Variants in CYP7A1 observed in about 807,000 individuals in gnomAD.
CYP7A1 encodes cytochrome P450 family 7 subfamily A member 1.
CYP7A1 carries 28 observed loss-of-function variants against 43.8 expected under a neutral mutation model. That is an observed-to-expected ratio of 0.64 (90% confidence interval 0.47 to 0.88). The LOEUF (loss-of-function observed/expected upper bound fraction) is 0.88, where lower values mean the gene tolerates loss of function less well. Ranked by LOEUF, CYP7A1 falls within the 40% of genes least tolerant of loss-of-function variation. CYP7A1 has a pLI of 0.00. For synonymous variants in CYP7A1, 227 were observed against 222.5 expected, an observed-to-expected ratio of 1.02 and a Z score of -0.18; for missense variants, 637 against 611.9, an observed-to-expected ratio of 1.04 and a Z score of -0.43.
At chr8:58,494,735 A>C (rs1191799556) in intron 3 of CYP7A1, 99 bp from the exon 4 acceptor site, 1 of 1,080,004 alleles carries the variant, frequency 9.3e-7, no homozygotes, top group African/African-American at 1.6e-5. Flanking sequence ...TCTTTTAACT[A>C]GATGGTGAAG....
chr8:58,493,799 A>T (rs1809395440), intron 4 of CYP7A1, among the ~76,000 whole-genome samples: 1 of 152,182 alleles, frequency 6.6e-6, no homozygotes, highest in Non-Finnish European at 1.5e-5. Flanking sequence ...CAGGAGTTCG[A>T]GACCAGTCTG....
Position 58,496,798 on chromosome 8 carries a change from C to A in CYP7A1, c.714G>T (p.Leu238=). The A allele has an allele frequency of 6.2e-7, 1 of 1,614,222 alleles. No individual in the cohort carries two copies. Among genetic ancestry groups the A allele is most frequent in the Non-Finnish European group, 8.5e-7 (1 of 1,180,050 alleles). The stretch of plus-strand genomic sequence containing the variant: ...GGTTCTCGTGCCTCAAGCTCTCTGC[C>A]AGTTTCTCCCGGGCATTGTGCGCAG... ...FRTAHNAREK[L]AESLRHENLQ... The change falls in exon 3 of 6, where the codon CTG becomes CTT. Residue 238 remains leucine (L), a synonymous_variant. Coordinates refer to ENST00000301645, the MANE Select transcript of CYP7A1 (RefSeq NM_000780.4).
chr8:58,496,851 C>A lies in CYP7A1; in HGVS notation c.661G>T (p.Ala221Ser). 6.2e-7 allele frequency: 1 copy of A among 1,614,212 alleles called. No individual in the cohort carries two copies. The highest frequency in any genetic ancestry group is 8.5e-7 in the Non-Finnish European group (1 of 1,180,046). Residue 221 changes from alanine (A) to serine (S), a missense_variant, in exon 3 of 6, where the codon GCA becomes TCA. Transcript: ENST00000301645. ...QFDKVFPALV[A>S]GLPIHMFRTA... Reference sequence around the variant, plus strand: ...CTGAACATGTGAATGGGGAGGCCTGCTACCAGGGCTGGAAAGACTTTGTCG... The same window carrying A: ...CTGAACATGTGAATGGGGAGGCCTGATACCAGGGCTGGAAAGACTTTGTCG...
intron 2 of CYP7A1, 52 bp downstream of exon 2, chr8:58,498,177 C>T (rs1809477440): frequency 1.2e-6 from 2 of 1,604,044 alleles, no homozygotes; most frequent in East Asian, 2.2e-5. Context: ...TAGACAAGCA[C>T]ATAAAAAGGT....
chr8:58,499,078 T>C (rs1809492442), intron 1 of CYP7A1, among the ~76,000 whole-genome samples: 1 of 152,230 alleles, frequency 6.6e-6, no homozygotes, highest in South Asian at 2.1e-4. Context: ...TCTATTGTAA[T>C]TCAGTGCTCC....
At chr8:58,499,769 A>G (rs1015394858) in intron 1 of CYP7A1, among the ~76,000 whole-genome samples, 5 of 152,188 alleles carry the variant, frequency 3.3e-5, no homozygotes, top group Admixed American at 3.3e-4. Flanking sequence ...AGTTATGTTT[A>G]ACACCAATAT....
chr8:58,497,011 C>T lies in CYP7A1; in HGVS notation c.501G>A (p.Val167=). ...AGCAGAAAGAATACATCCCTTCTGT[C>T]ACCCAGGCAGCGGTCTTTGAGTTAG... is the stretch of plus-strand genomic sequence containing the variant. ...VSSNSKTAAW[V]TEGMYSFCYR... The change falls in exon 3 of 6, where the codon GTG becomes GTA. Residue 167 remains valine (V), a synonymous_variant. Coordinates refer to ENST00000301645, the MANE Select transcript of CYP7A1 (RefSeq NM_000780.4). The T allele has an allele frequency of 6.2e-7, 1 of 1,612,946 alleles. No homozygotes were observed. Among genetic ancestry groups the T allele is most frequent in the Non-Finnish European group, 8.5e-7 (1 of 1,180,030 alleles).
chr8:58,498,185 G>A (rs756127511), intron 2 of CYP7A1, 44 bp downstream of exon 2: 1 of 1,608,444 alleles, frequency 6.2e-7, no homozygotes, highest in Non-Finnish European at 8.5e-7. Flanking sequence ...CACATAAAAA[G>A]GTAGAAGACA....
chr8:58,498,234 C>T lies in CYP7A1; in HGVS notation c.316G>A (p.Ala106Thr). The T allele has an allele frequency of 6.2e-7, 1 of 1,614,054 alleles. No homozygotes were observed. Among genetic ancestry groups the T allele is most frequent in the Non-Finnish European group, 8.5e-7 (1 of 1,179,980 alleles). ...ATAAATGTAAAACTGCTTACCTTCG[C>T]AGAAGTAGCAAAGTGAAATTTTTTC... ...DWKKFHFATSAKAFGHRSIDP... is the reference protein window; with the variant it reads ...DWKKFHFATSTKAFGHRSIDP... Residue 106 changes from alanine (A) to threonine (T), a missense_variant, in exon 2 of 6, where the codon GCG (alanine) becomes ACG (threonine). Coordinates refer to ENST00000301645, the MANE Select transcript of CYP7A1 (RefSeq NM_000780.4).
rs756610472 is a variant in CYP7A1, at chr8:58,500,045, T to C, written c.54A>G (p.Leu18=). The change falls in exon 1 of 6, where the codon CTA becomes CTG. Residue 18 remains leucine (L), a synonymous_variant. Transcript: ENST00000301645. ...TTCTCCTAATTCCAAGAATAAGCCA[T>C]AGACAACAGCATGCTGCTATAGCAA... The part of the protein sequence containing the change: ...WGIAIAACCC[L]WLILGIRRRQ... The C allele has an allele frequency of 5.6e-6, 9 of 1,612,782 alleles. No homozygotes were observed. The Admixed American group carries it at 8.3e-5, about 15-fold the overall frequency.
In CYP7A1 at chr8:58,496,944, T is replaced by C. The variant is rs749290143; in HGVS notation, c.568A>G (p.Arg190Gly). Residue 190 changes from arginine (R) to glycine (G), a missense_variant, in exon 3 of 6, where the codon AGA becomes GGA. By Grantham distance (125) the Arg-to-Gly change is moderately radical. Coordinates refer to ENST00000301645, the MANE Select transcript of CYP7A1 (RefSeq NM_000780.4). ...FEAGYLTIFGRDLTRRDTQKA... is the reference protein window; with the variant it reads ...FEAGYLTIFGGDLTRRDTQKA... ...TGTGTGTCCCGCCTTGTAAGATCTC[T>C]GCCAAAGATAGTTAAATACCCAGCT... The C allele has an allele frequency of 2.0e-5, 32 of 1,614,080 alleles. No homozygotes were observed. The highest frequency in any genetic ancestry group is 2.4e-5 in the Non-Finnish European group (28 of 1,180,040).
chr8:58,491,629 A>C lies in CYP7A1; in HGVS notation c.1361T>G (p.Ile454Ser), dbSNP rs1468435777. The C allele has an allele frequency of 6.2e-7, 1 of 1,614,214 alleles. No homozygotes were observed. The highest frequency in any genetic ancestry group is 1.1e-5 in the South Asian group (1 of 91,086). ...CPGRLFAIHE[I>S]KQFLILMLSY... is the part of the protein sequence containing the mutation. Reference sequence around the variant, plus strand: ...AAGCATCAGAATCAAAAATTGCTTGATTTCGTGGATAGCGAACAATCTTCC... The same window carrying C: ...AAGCATCAGAATCAAAAATTGCTTGCTTTCGTGGATAGCGAACAATCTTCC... Residue 454 changes from isoleucine (I) to serine (S), a missense_variant, in exon 6 of 6, where the codon ATC becomes AGC. Transcript: ENST00000301645.
At chr8:58,499,311 T>C (rs995882758) in intron 1 of CYP7A1, among the ~76,000 whole-genome samples, 2 of 152,224 alleles carry the variant, frequency 1.3e-5, no homozygotes, top group African/African-American at 4.8e-5. Context: ...TTTTCTCTTT[T>C]TGAGATTGAC....
intron 1 of CYP7A1, 147 bp from the exon 2 acceptor site, chr8:58,498,616 T>G (rs1383309675): frequency 1.1e-5 from 9 of 791,918 alleles, no homozygotes; most frequent in Non-Finnish European, 1.9e-5. Flanking sequence ...CCCTGCTCTT[T>G]TACTACAGTA....
Position 58,496,824 on chromosome 8 carries a change from T to A in CYP7A1, c.688A>T (p.Thr230Ser). 6.2e-7 allele frequency: 1 copy of A among 1,614,194 alleles called. No individual in the cohort carries two copies. Among genetic ancestry groups the A allele is most frequent in the Non-Finnish European group, 8.5e-7 (1 of 1,180,028 alleles). The change falls in exon 3 of 6, where the codon ACT becomes TCT. Residue 230 changes from threonine (T) to serine (S), a missense_variant. Thr to Ser is a moderately conservative substitution (Grantham distance 58, BLOSUM62 1). Coordinates refer to ENST00000301645, the MANE Select transcript of CYP7A1 (RefSeq NM_000780.4). ...VAGLPIHMFR[T>S]AHNAREKLAE... ...AGTTTCTCCCGGGCATTGTGCGCAG[T>A]CCTGAACATGTGAATGGGGAGGCCT...
In CYP7A1 at chr8:58,491,320, A is replaced by T; in HGVS notation, c.*155T>A. The stretch of plus-strand genomic sequence containing the variant: ...GATAGCATCTGGAAACTGTCACCAA[A>T]ATGTTAAGATTCACAAGCAAGCACT... On this transcript the variant is annotated 3_prime_UTR_variant, in exon 6 of 6. Transcript: ENST00000301645. The T allele has an allele frequency of 1.4e-6, 1 of 716,332 alleles. No homozygotes were observed. The highest frequency in any genetic ancestry group is 2.3e-6 in the Non-Finnish European group (1 of 426,116). 44.4% of individuals were successfully genotyped at this position (716,332 alleles called of 1,614,324 possible).
intron 3 of CYP7A1, among the ~76,000 whole-genome samples, chr8:58,495,374 C>T (rs896436697): frequency 5.9e-5 from 9 of 151,812 alleles, no homozygotes; most frequent in South Asian, 2.1e-4. Context: ...TACAGGCGCC[C>T]GCCACCACGC....
chr8:58,491,338 C>T lies in CYP7A1; in HGVS notation c.*137G>A, dbSNP rs1335635372. The T allele has an allele frequency of 2.5e-6, 2 of 809,882 alleles. No individual in the cohort carries two copies. The highest frequency in any genetic ancestry group is 4.0e-6 in the Non-Finnish European group (2 of 498,490). 50.2% of individuals were successfully genotyped at this position (809,882 alleles called of 1,614,324 possible). On this transcript the variant is annotated 3_prime_UTR_variant, in exon 6 of 6. Transcript: ENST00000301645. ...TCACCAAAATGTTAAGATTCACAAG[C>T]AAGCACTGGTGAACAACATTGGACC...
Position 58,498,291 on chromosome 8 carries a change from T to C in CYP7A1, c.259A>G (p.Lys87Glu), listed in dbSNP as rs1267555538. 3.1e-6 allele frequency: 5 copies of C among 1,614,028 alleles called. No homozygotes were observed. The highest frequency in any genetic ancestry group is 3.3e-5 in the Admixed American group (2 of 60,002). ...AAATATTTTCCGTGGCACAACACCT[T>C]ATGGTATGACAAGGGATTTGTGATG... is the stretch of plus-strand genomic sequence containing the variant. The part of the protein sequence containing the change: ...HFITNPLSYH[K>E]VLCHGKYFDW... Residue 87 changes from lysine (K) to glutamate (E), a missense_variant, in exon 2 of 6, where the codon AAG becomes GAG. Physicochemically the swap from Lys to Glu is moderately conservative, Grantham distance 56. Coordinates refer to ENST00000301645, the MANE Select transcript of CYP7A1 (RefSeq NM_000780.4).
Sources: gnomAD v4.1 joint callset for allele counts (sites outside exome capture counted in the v4.1 genomes callset) on GRCh38, gnomAD v4.1.1 for gene constraint, MANE v1.5 for transcripts, NCBI Gene and HGNC (gene_info 2026-07-23, HGNC 2026-07-21) for gene names.